Variants in ZNF366 observed in about 807,000 individuals in gnomAD.
The protein encoded by ZNF366 is zinc finger protein 366.
ZNF366 carries 20 observed loss-of-function variants against 47.2 expected under a neutral mutation model. That is an observed-to-expected ratio of 0.42 (90% CI 0.30 to 0.62). The LOEUF (loss-of-function observed/expected upper bound fraction) is 0.62. Ranked by LOEUF, ZNF366 falls within the 20% of genes least tolerant of loss-of-function variation. ZNF366 has a pLI of 0.16. For synonymous variants in ZNF366, 421 were observed against 395.1 expected, an observed-to-expected ratio of 1.07 and a Z score of -0.78; for missense variants, 987 against 976.3, an observed-to-expected ratio of 1.01 and a Z score of -0.15.
intron 1 of ZNF366, among the ~76,000 whole-genome samples, chr5:72,471,259 G>A (rs1021007461): frequency 1.3e-5 from 2 of 152,150 alleles, no homozygotes; most frequent in African/African-American, 2.4e-5. Flanking sequence ...CTATATTTCT[G>A]CCTTCTGATG....
At chr5:72,500,054 G>A (rs1461491723) in intron 1 of ZNF366, among the ~76,000 whole-genome samples, 1 of 152,208 alleles carries the variant, frequency 6.6e-6, no homozygotes, top group Non-Finnish European at 1.5e-5. Flanking sequence ...TTTCCACAGA[G>A]TTTTCTCACT....
rs573802912 is a variant in ZNF366, at chr5:72,460,534, G to C, written c.963C>G (p.Thr321=). The stretch of plus-strand genomic sequence containing the variant: ...GCATCATGTGGCGCTTCAGGTGGCT[G>C]GTCTGGGTGAAGGCCTTGTGGCACA... ...CQVCHKAFTQ[T]SHLKRHMMQH... Residue 321 remains threonine, a synonymous_variant, in exon 2 of 5, where the codon ACC becomes ACG. Transcript: ENST00000318442. 9.3e-6 allele frequency: 15 copies of C among 1,614,122 alleles called. No homozygotes were observed. In the South Asian group the frequency reaches 1.4e-4, roughly 15 times the overall value.
chr5:72,460,843 C>T lies in ZNF366; in HGVS notation c.654G>A (p.Glu218=), dbSNP rs2278600. 0.17 allele frequency: 269,588 copies of T among 1,613,904 alleles called. 26,669 individuals are homozygous for T. Among genetic ancestry groups the T allele is most frequent in the East Asian group, 0.44 (19,519 of 44,828 alleles). ...GCTTGGTCTCCTCGCTCTCCTGGGGCTCGGCTTTCCGGGGCAGCAGAGGTT... is the reference window on the plus strand; with the variant it reads ...GCTTGGTCTCCTCGCTCTCCTGGGGTTCGGCTTTCCGGGGCAGCAGAGGTT... ...PPEPLLPRKA[E]PQESEETKQK... is the part of the protein sequence containing the mutation. Residue 218 remains glutamate (E), a synonymous_variant, in exon 2 of 5, where the codon GAG becomes GAA. Coordinates refer to ENST00000318442, the MANE Select transcript of ZNF366 (RefSeq NM_152625.3).
At chr5:72,448,746 G>A (rs1225984002) in intron 3 of ZNF366, among the ~76,000 whole-genome samples, 2 of 152,088 alleles carry the variant, frequency 1.3e-5, no homozygotes, top group Admixed American at 6.5e-5. Flanking sequence ...TATTAATGAA[G>A]GCAATAATTT....
At chr5:72,496,467 A>G (rs1580254933) in intron 1 of ZNF366, among the ~76,000 whole-genome samples, 2 of 152,328 alleles carry the variant, frequency 1.3e-5, no homozygotes, top group Middle Eastern at 3.4e-3. Flanking sequence ...TCATATGTCA[A>G]TAGTTCCTTT....
intron 1 of ZNF366, chr5:72,494,120 G>A (rs748984932): frequency 6.6e-6 from 1 of 151,778 alleles, no homozygotes; most frequent in Non-Finnish European, 1.5e-5. Context: ...TAACATAAAC[G>A]TAACATAACA....
chr5:72,470,910 TC>T (rs1453167835), intron 1 of ZNF366, among the ~76,000 whole-genome samples: 2 of 152,242 alleles, frequency 1.3e-5, no homozygotes, highest in Middle Eastern at 3.2e-3. Context: ...AGTGGCATGT[TC>T]CTTTGATATG....
Position 72,456,503 on chromosome 5 carries a change from G to A in ZNF366, c.1425C>T (p.Arg475=), listed in dbSNP as rs372107612. 18 of 1,613,918 alleles carry A rather than the reference G, an allele frequency of 1.1e-5. No individual in the cohort carries two copies. In the East Asian group the frequency reaches 1.6e-4, roughly 14 times the overall value. ...TGTAGCAGAGGTGACACTGGTAGGC[G>A]CGGATGTTGGTGTGGATCAGCACGT... The part of the protein sequence containing the change: ...KRHVLIHTNI[R]AYQCHLCYKS... The change falls in exon 3 of 5, where the codon CGC becomes CGT. Residue 475 remains arginine, a synonymous_variant. Transcript: ENST00000318442.
intron 1 of ZNF366, among the ~76,000 whole-genome samples, chr5:72,463,838 C>G (rs981839962): frequency 3.3e-5 from 5 of 152,202 alleles, no homozygotes; most frequent in African/African-American, 9.7e-5. Flanking sequence ...GGGTGTGGCC[C>G]TGGCCCAAGA....
chr5:72,456,147 A>C lies in ZNF366; in HGVS notation c.1524+257T>G, dbSNP rs1436154367. 3.3e-5 allele frequency among the ~76,000 whole-genome samples: 5 copies of C among 152,088 alleles called. No homozygotes were observed. The South Asian group carries it at 1.0e-3, about 32-fold the overall frequency. On this transcript the variant is annotated intron_variant, in intron 3 of 4. Coordinates refer to ENST00000318442, the MANE Select transcript of ZNF366 (RefSeq NM_152625.3). The stretch of plus-strand genomic sequence containing the variant: ...GCCTTCCACCCTCAGACCTTTCCCT[A>C]GTGCCTGGCTCTACCCCTGGGCATG...
In ZNF366 at chr5:72,461,135, C is replaced by A. The variant is rs759333618; in HGVS notation, c.362G>T (p.Arg121Leu). 8 of 1,613,866 alleles carry A rather than the reference C, an allele frequency of 5.0e-6. No homozygotes were observed. Among genetic ancestry groups the A allele is most frequent in the Non-Finnish European group, 5.1e-6 (6 of 1,179,992 alleles). Residue 121 changes from arginine (R) to leucine (L), a missense_variant, in exon 2 of 5, where the codon CGC becomes CTC. By Grantham distance (102) the Arg-to-Leu change is moderately radical. This residue lies in a region of ZNF366 where 591 missense variants were observed against 560.9 expected (regional missense o/e 1.05). Transcript: ENST00000318442. ...GATCATCTGAGAGTCATACTTGGGG[C>A]GCGGGGGCTGCGGGAACAGCAAAGG... ...NLPLLFPQPP[R>L]PKYDSQMIDL...
rs1159618010 is a variant in ZNF366 at position 72,441,822 on chromosome 5, C to T, written c.*1934G>A. 6.6e-6 allele frequency: 1 copy of T among 152,194 alleles called. No individual in the cohort carries two copies. The highest frequency in any genetic ancestry group is 1.5e-5 in the Non-Finnish European group (1 of 68,032). The allele number at this position is 152,194 out of a possible 1,614,324, so 9.4% of individuals were successfully genotyped here. ...CTAGCTCTACAAATACGAGTCAAAA[C>T]TACCAAACAAGAAGTTTTTACATAA... On this transcript the variant is annotated 3_prime_UTR_variant, in exon 5 of 5. Transcript: ENST00000318442.
chr5:72,473,392 G>A (rs181123561), intron 1 of ZNF366, among the ~76,000 whole-genome samples: 4 of 152,282 alleles, frequency 2.6e-5, no homozygotes, highest in South Asian at 2.1e-4. Context: ...GGCTTGCAGC[G>A]AAACACAATC....
At chr5:72,456,352 C>A in intron 3 of ZNF366, 52 bp downstream of exon 3, 1 of 1,538,284 alleles carries the variant, frequency 6.5e-7, no homozygotes, top group Admixed American at 1.8e-5. Flanking sequence ...GGGACCCTTT[C>A]CCATCAGGCA....
At chr5:72,480,291 T>C (rs1163239382) in intron 1 of ZNF366, among the ~76,000 whole-genome samples, 1 of 152,236 alleles carries the variant, frequency 6.6e-6, no homozygotes, top group Non-Finnish European at 1.5e-5. Context: ...TGCCACAGAC[T>C]GAATCTAGAA....
rs181995625 is a variant in ZNF366, at chr5:72,470,352, G to A, written c.-14-8842C>T. Among the ~76,000 whole-genome samples, 220 of 152,268 alleles carry A rather than the reference G, an allele frequency of 1.4e-3. 2 individuals are homozygous for A. The highest frequency in any genetic ancestry group is 8.8e-4 in the Non-Finnish European group (60 of 68,018). On this transcript the variant is annotated intron_variant, in intron 1 of 4. Coordinates refer to ENST00000318442, the MANE Select transcript of ZNF366 (RefSeq NM_152625.3). ...CTTTGACATTTCATTGGCTGTATCC[G>A]CCATATTGCTGCAAGATTCTGCAGG...
At position 72,461,403 on chromosome 5, in the gene ZNF366, C is replaced by G; in HGVS notation, c.94G>C (p.Val32Leu). Residue 32 changes from valine to leucine, a missense_variant, in exon 2 of 5, where the codon GTG becomes CTG. Transcript: ENST00000318442. Reference protein sequence around the residue: ...TPSFPHCLQPVASRGKAPQRH... With the variant: ...TPSFPHCLQPLASRGKAPQRH... ...TGGGGAGCCTTTCCCCGAGAAGCCACTGGCTGCAGGCAGTGGGGAAAGGAG... is the reference window on the plus strand; with the variant it reads ...TGGGGAGCCTTTCCCCGAGAAGCCAGTGGCTGCAGGCAGTGGGGAAAGGAG... 1 of 1,613,688 alleles carries G rather than the reference C, an allele frequency of 6.2e-7. No individual in the cohort carries two copies. Among genetic ancestry groups the G allele is most frequent in the Non-Finnish European group, 8.5e-7 (1 of 1,179,664 alleles).
In ZNF366 at chr5:72,443,937, G is replaced by T; in HGVS notation, c.2054C>A (p.Ala685Glu). The change falls in exon 5 of 5, where the codon GCA becomes GAA. Residue 685 changes from alanine (A) to glutamate (E), a missense_variant. Physicochemically the swap from Ala to Glu is moderately radical, Grantham distance 107. Transcript: ENST00000318442. ...ACAGTCTCTCTCCTGGCCGCCCTCT[G>T]CCCCAAGGTCACCCTTGCTCCTCTT... ...WEKRSKGDLG[A>E]EGGQERDCAG... is the part of the protein sequence containing the mutation. The T allele has an allele frequency of 6.2e-7, 1 of 1,614,170 alleles. No individual in the cohort carries two copies. The highest frequency in any genetic ancestry group is 8.5e-7 in the Non-Finnish European group (1 of 1,180,026).
intron 2 of ZNF366, among the ~76,000 whole-genome samples, chr5:72,457,121 C>T (rs1185262825): frequency 1.3e-5 from 2 of 152,208 alleles, no homozygotes; most frequent in African/African-American, 4.8e-5. Flanking sequence ...TAATCACCCT[C>T]TCAAGTTGGT....
Sources: gnomAD v4.1 joint callset for allele counts (sites outside exome capture counted in the v4.1 genomes callset) on GRCh38, gnomAD v4.1.1 for gene constraint, gnomAD v4.1.1 regional missense constraint, MANE v1.5 for transcripts, NCBI Gene and HGNC (gene_info 2026-07-23, HGNC 2026-07-21) for gene names.